MPPED2: variants seen among roughly 807,000 people sequenced by gnomAD.
The protein encoded by MPPED2 is metallophosphoesterase domain containing 2, also known as metallophosphoesterase MPPED2.
Under a neutral mutation model 33.0 loss-of-function variants are expected in MPPED2, and 5 were observed. That is an observed-to-expected ratio of 0.15 (90% CI 0.08 to 0.32). The LOEUF (loss-of-function observed/expected upper bound fraction) is 0.32. Ranked by LOEUF, MPPED2 falls within the 10% of genes least tolerant of loss-of-function variation. MPPED2 has a pLI of 1.00. For missense variants in MPPED2, 275 were observed against 372.1 expected, an observed-to-expected ratio of 0.74 and a Z score of 2.15; for synonymous variants, 136 against 141.9, an observed-to-expected ratio of 0.96 and a Z score of 0.29.
intron 4 of MPPED2, among the ~76,000 whole-genome samples, chr11:30,420,428 G>A (rs906272829): frequency 6.6e-6 from 1 of 152,238 alleles, no homozygotes; most frequent in Non-Finnish European, 1.5e-5. Flanking sequence ...ACCCATGTCA[G>A]ACTTCTGACC....
At chr11:30,582,040 T>A (rs1957191120) in intron 1 of MPPED2, among the ~76,000 whole-genome samples, 1 of 152,234 alleles carries the variant, frequency 6.6e-6, no homozygotes, top group Non-Finnish European at 1.5e-5. Flanking sequence ...AAGAACTGCT[T>A]ACAAATCATA....
chr11:30,427,925 T>C (rs1285257551), intron 4 of MPPED2, among the ~76,000 whole-genome samples: 7 of 152,222 alleles, frequency 4.6e-5, no homozygotes. Flanking sequence ...AAGTGGAGCA[T>C]GGATGGAAGA....
chr11:30,547,185 C>G (rs12276680), intron 2 of MPPED2, among the ~76,000 whole-genome samples: 1 of 152,062 alleles, frequency 6.6e-6, no homozygotes, highest in Non-Finnish European at 1.5e-5. Flanking sequence ...CAGTGTTAAG[C>G]AACTTCAAAC....
intron 4 of MPPED2, among the ~76,000 whole-genome samples, chr11:30,426,573 C>T (rs1948848319): frequency 6.6e-6 from 1 of 152,172 alleles, no homozygotes; most frequent in South Asian, 2.1e-4. Flanking sequence ...ATTCAACAGA[C>T]ATCACCTGGA....
At chr11:30,406,134 G>A (rs1042423039), downstream of MPPED2, among the ~76,000 whole-genome samples, 3 of 152,170 alleles carry the variant, frequency 2.0e-5, no homozygotes, top group Non-Finnish European at 4.4e-5. Flanking sequence ...AGGTGGACGG[G>A]TTGAAGAAAA....
intron 4 of MPPED2, among the ~76,000 whole-genome samples, chr11:30,437,780 C>T (rs1949389523): frequency 6.6e-6 from 1 of 151,828 alleles, no homozygotes; most frequent in Non-Finnish European, 1.5e-5. Flanking sequence ...TCTGACCTCA[C>T]CAAAGAATCC....
chr11:30,488,891 G>T (rs1342726288), intron 4 of MPPED2, among the ~76,000 whole-genome samples: 1 of 152,044 alleles, frequency 6.6e-6, no homozygotes, highest in Non-Finnish European at 1.5e-5. Flanking sequence ...ACCTTTTTCT[G>T]TGCCAACACC....
intron 2 of MPPED2, among the ~76,000 whole-genome samples, chr11:30,574,045 T>A (rs892843048): frequency 2.6e-5 from 4 of 152,206 alleles, no homozygotes; most frequent in African/African-American, 9.7e-5. Flanking sequence ...TGTTTCTTAC[T>A]TTATTGTTGA....
At chr11:30,420,093 G>A (rs750869298) in intron 4 of MPPED2, among the ~76,000 whole-genome samples, 9 of 152,246 alleles carry the variant, frequency 5.9e-5, no homozygotes, top group Non-Finnish European at 1.0e-4. Flanking sequence ...GAATGTTACT[G>A]TACACGGCAA....
intron 4 of MPPED2, among the ~76,000 whole-genome samples, chr11:30,464,882 C>T (rs1052970841): frequency 6.6e-6 from 1 of 152,130 alleles, no homozygotes; most frequent in African/African-American, 2.4e-5. Context: ...TAAGACACCA[C>T]GGATATCTAT....
At chr11:30,414,447 T>C (rs1292307966) in intron 5 of MPPED2, 106 bp from the exon 6 acceptor site, 1 of 731,936 alleles carries the variant, frequency 1.4e-6, no homozygotes. Context: ...ACATTATCTG[T>C]AATCCTAGCC....
At chr11:30,486,945 T>C (rs762676266) in intron 4 of MPPED2, among the ~76,000 whole-genome samples, 86 of 152,324 alleles carry the variant, frequency 5.6e-4, no homozygotes, top group Middle Eastern at 3.4e-3. Context: ...GTGTCTAATC[T>C]GTGTAAATTC....
chr11:30,535,921 C>G, intron 3 of MPPED2, 73 bp downstream of exon 3: 1 of 1,335,222 alleles, frequency 7.5e-7, no homozygotes, highest in Non-Finnish European at 1.0e-6. Context: ...TGCTCTAATT[C>G]AATTAGGACG....
chr11:30,575,410 T>A (rs1956886719), intron 2 of MPPED2, among the ~76,000 whole-genome samples: 1 of 152,166 alleles, frequency 6.6e-6, no homozygotes, highest in Non-Finnish European at 1.5e-5. Context: ...CACAACCATA[T>A]TAAAGGGTCA....
intron 3 of MPPED2, among the ~76,000 whole-genome samples, chr11:30,534,819 T>A (rs1049291307): frequency 1.3e-5 from 2 of 152,208 alleles, no homozygotes; most frequent in Non-Finnish European, 2.9e-5. Context: ...GGAAAAATTG[T>A]TATCAATTTA....
chr11:30,574,491 C>T (rs1956837571), intron 2 of MPPED2, among the ~76,000 whole-genome samples: 1 of 152,184 alleles, frequency 6.6e-6, no homozygotes, highest in African/African-American at 2.4e-5. Flanking sequence ...GAATGTATCC[C>T]TGTCATTAAG....
At chr11:30,580,755 C>T (rs929213144) in intron 1 of MPPED2, among the ~76,000 whole-genome samples, 21 of 152,102 alleles carry the variant, frequency 1.4e-4, no homozygotes, top group Non-Finnish European at 2.9e-4. Flanking sequence ...ATAATTATGG[C>T]ACTTAGCGTG....
intron 2 of MPPED2, among the ~76,000 whole-genome samples, chr11:30,539,265 G>C (rs1461080930): frequency 1.3e-5 from 2 of 152,090 alleles, no homozygotes; most frequent in Admixed American, 1.3e-4. Flanking sequence ...TTCATCCTTA[G>C]TTTACAACTT....
chr11:30,515,519 T>G (rs1953480913), intron 3 of MPPED2, among the ~76,000 whole-genome samples: 2 of 152,280 alleles, frequency 1.3e-5, no homozygotes, highest in South Asian at 4.1e-4. Context: ...TGCCCAAGAT[T>G]TGGGGGACAT....
Sources: gnomAD v4.1 joint callset for allele counts (sites outside exome capture counted in the v4.1 genomes callset) on GRCh38, gnomAD v4.1.1 for gene constraint, MANE v1.5 for transcripts, NCBI Gene and HGNC (gene_info 2026-07-23, HGNC 2026-07-21) for gene names.